Variants in CRAMP1 observed in about 807,000 individuals in gnomAD.
The protein encoded by CRAMP1 is cramped chromatin regulator 1.
Under a neutral mutation model 115.4 loss-of-function variants are expected in CRAMP1, and 50 were observed. The ratio of observed to expected loss-of-function variants is 0.43; its 90% CI spans 0.35 to 0.55. The LOEUF (loss-of-function observed/expected upper bound fraction) is 0.55. Among genes scored for constraint, CRAMP1 ranks in the 20% least tolerant of loss-of-function variants. The pLI is 0.01. For synonymous variants in CRAMP1, 866 were observed against 745.4 expected (o/e 1.16, Z -2.64); for missense variants, 1,679 against 1,721.7 (o/e 0.98, Z 0.44).
rs775958782 is a variant in CRAMP1, at chr16:1,632,400, A to G, written c.694+35A>G. ...CCACGGGCCAGGCTCGGGGGTGCCC[A>G]CAGGCAGGGCCGGCTTCTGCTCAGA... On this transcript the variant is annotated intron_variant, in intron 4 of 20. Transcript: ENST00000397412. 3.9e-6 allele frequency: 6 copies of G among 1,555,768 alleles called. No individual in the cohort carries two copies. The African/African-American group carries it at 6.8e-5, about 18-fold the overall frequency.
chr16:1,665,974 C>T, intron 14 of CRAMP1, 99 bp from the exon 15 acceptor site: 1 of 772,776 alleles, frequency 1.3e-6, no homozygotes, highest in Non-Finnish European at 2.2e-6. Context: ...CTCCCACACT[C>T]CCAACAGTGG....
intron 18 of CRAMP1, 126 bp downstream of exon 18, chr16:1,668,319 C>G: frequency 1.3e-6 from 1 of 744,926 alleles, no homozygotes; most frequent in Non-Finnish European, 2.3e-6. Flanking sequence ...CTGTCACCTA[C>G]AAGGTGCTGC....
At chr16:1,647,004 T>C in intron 6 of CRAMP1, 1 of 702,678 alleles carries the variant, frequency 1.4e-6, no homozygotes, top group East Asian at 2.7e-5. Flanking sequence ...TTTGTGACCG[T>C]TCTTTGACCA....
rs761540541 is a variant in CRAMP1 at position 1,666,648 on chromosome 16, G to A, written c.3036+48G>A. 6.4e-7 allele frequency: 1 copy of A among 1,553,838 alleles called. No homozygotes were observed. The highest frequency in any genetic ancestry group is 1.1e-5 in the South Asian group (1 of 89,366). ...TTCAGCATTACCACCAACTTCTGGT[G>A]TGGACGCCAAAGCCATGGGGCTGAG... On this transcript the variant is annotated intron_variant, in intron 16 of 20. Transcript: ENST00000397412. This position sits in a 1 kb window ranked among gnomAD's most constrained non-coding sequence, Gnocchi z 5.0.
chr16:1,621,562 C>G (rs1186989829), intron 2 of CRAMP1, among the ~76,000 whole-genome samples: 1 of 152,284 alleles, frequency 6.6e-6, no homozygotes, highest in South Asian at 2.1e-4. Context: ...TGGGTCCCAG[C>G]AGCCTGGGGT....
chr16:1,624,507 G>A (rs966757680), intron 2 of CRAMP1, among the ~76,000 whole-genome samples: 4 of 149,910 alleles, frequency 2.7e-5, no homozygotes, highest in African/African-American at 9.9e-5. Flanking sequence ...TCCACTACCT[G>A]GGTTCAAGCA....
chr16:1,660,329 G>A (rs748830206), intron 11 of CRAMP1, among the ~76,000 whole-genome samples: 1 of 152,204 alleles, frequency 6.6e-6, no homozygotes, highest in Non-Finnish European at 1.5e-5. Flanking sequence ...GGTGACTTTG[G>A]GGTCTGCTTC....
chr16:1,623,966 G>A (rs145632682), intron 2 of CRAMP1, among the ~76,000 whole-genome samples: 3 of 152,262 alleles, frequency 2.0e-5, no homozygotes, highest in African/African-American at 4.8e-5. Flanking sequence ...GCCGGAAAGC[G>A]GCCTGGGTGG....
chr16:1,639,316 C>T (rs1396109302), intron 5 of CRAMP1, among the ~76,000 whole-genome samples: 1 of 151,790 alleles, frequency 6.6e-6, no homozygotes, highest in East Asian at 1.9e-4. Flanking sequence ...TTATTGAAAA[C>T]CAAAGTACAC....
intron 6 of CRAMP1, chr16:1,646,920 G>C: frequency 1.6e-6 from 1 of 628,668 alleles, no homozygotes; most frequent in Non-Finnish European, 2.9e-6. Context: ...TCCATTGAGT[G>C]GCCTTTGCAT....
rs1263477792 is a variant in CRAMP1 at position 1,666,255 on chromosome 16, TTTC to T, written c.2857+83_2857+85del. 2.2e-5 allele frequency: 27 copies of T among 1,237,430 alleles called. No individual in the cohort carries two copies. The highest frequency in any genetic ancestry group is 2.9e-5 in the Non-Finnish European group (25 of 862,170). 76.7% of individuals were successfully genotyped at this position (1,237,430 alleles called of 1,614,324 possible). On this transcript the variant is annotated intron_variant, in intron 15 of 20. Coordinates refer to ENST00000397412, the MANE Select transcript of CRAMP1 (RefSeq NM_020825.4). The surrounding 1 kb of genome is among the most constrained non-coding windows in gnomAD (Gnocchi z 5.0). Reference sequence around the variant, plus strand: ...TTTTGTGACCAGGTTTTTTGAATGTTTTCTTCTCCAAATCATAATGTCTCATTA... The same window carrying T: ...TTTTGTGACCAGGTTTTTTGAATGTTTTCTCCAAATCATAATGTCTCATTA...
rs376283177 is a variant in CRAMP1 at position 1,676,776 on chromosome 16, G to A, written c.*2731G>A. ...CTGTTGTGGATGTGCAGTGATAAGCGGGCATTGCGTGCCTCGGGGGATGCC... is the reference window on the plus strand; with the variant it reads ...CTGTTGTGGATGTGCAGTGATAAGCAGGCATTGCGTGCCTCGGGGGATGCC... On this transcript the variant is annotated 3_prime_UTR_variant, in exon 21 of 21. Transcript: ENST00000397412. 3 of 152,384 alleles carry A rather than the reference G, an allele frequency of 2.0e-5. No homozygotes were observed. The highest frequency in any genetic ancestry group is 2.1e-4 in the South Asian group (1 of 4,828). The allele number at this position is 152,384 out of a possible 1,614,324, so 9.4% of individuals were successfully genotyped here. A position where few individuals can be genotyped will look rare whatever the true frequency, so the allele number is the denominator to read the frequency against.
At position 1,670,704 on chromosome 16, in the gene CRAMP1, G is replaced by A. The variant is rs775420672; in HGVS notation, c.3540G>A (p.Pro1180=). 31 of 1,613,936 alleles carry A rather than the reference G, an allele frequency of 1.9e-5. No homozygotes were observed. The East Asian group carries it at 2.7e-4, about 14-fold the overall frequency. ...CAGAGAAGAGCCGGAAGATGTTGCC[G>A]ACTCCCATTGGGACCAACAGTGGCA... The part of the protein sequence containing the change: ...ISPEKSRKML[P]TPIGTNSGTS... Residue 1180 remains proline (P), a synonymous_variant, in exon 20 of 21, where the codon CCG becomes CCA. Coordinates refer to ENST00000397412, the MANE Select transcript of CRAMP1 (RefSeq NM_020825.4).
rs1444682025 is a variant in CRAMP1 at position 1,676,759 on chromosome 16, G to T, written c.*2714G>T. 6.6e-6 allele frequency: 1 copy of T among 152,276 alleles called. No individual in the cohort carries two copies. The highest frequency in any genetic ancestry group is 1.9e-4 in the East Asian group (1 of 5,204). The allele number at this position is 152,276 out of a possible 1,614,324, so 9.4% of individuals were successfully genotyped here. ...GTCCTCTGGCCTCAATTCTGTTGTG[G>T]ATGTGCAGTGATAAGCGGGCATTGC... On this transcript the variant is annotated 3_prime_UTR_variant, in exon 21 of 21. Transcript: ENST00000397412.
At chr16:1,667,601 C>T (rs2036886939) in intron 17 of CRAMP1, among the ~76,000 whole-genome samples, 1 of 152,174 alleles carries the variant, frequency 6.6e-6, no homozygotes, top group Non-Finnish European at 1.5e-5. Flanking sequence ...CTTCCCTCCT[C>T]CCCTCTCCAA....
Position 1,674,548 on chromosome 16 carries a change from G to T in CRAMP1, c.*503G>T, listed in dbSNP as rs1011457202. The T allele has an allele frequency of 3.8e-5, 6 of 157,452 alleles. No individual in the cohort carries two copies. The highest frequency in any genetic ancestry group is 2.5e-4 in the Admixed American group (4 of 16,230). 9.8% of individuals were successfully genotyped at this position (157,452 alleles called of 1,614,324 possible). On this transcript the variant is annotated 3_prime_UTR_variant, in exon 21 of 21. Coordinates refer to ENST00000397412, the MANE Select transcript of CRAMP1 (RefSeq NM_020825.4). Reference sequence around the variant, plus strand: ...GTAACGGGCAGGACAGTTGGGTGTGGCCTGGGCTCATGCCTGGTGGTGTCA... The same window carrying T: ...GTAACGGGCAGGACAGTTGGGTGTGTCCTGGGCTCATGCCTGGTGGTGTCA...
rs1011578060 is a variant in CRAMP1, at chr16:1,670,507, G to A, written c.3500-157G>A. The stretch of plus-strand genomic sequence containing the variant: ...TTAAACGAGAAGAGCTCGTCACGGC[G>A]TGTTGAGTCCCTCGGAAGCTCTTCG... On this transcript the variant is annotated intron_variant, in intron 19 of 20. Transcript: ENST00000397412. 22 of 722,728 alleles carry A rather than the reference G, an allele frequency of 3.0e-5. 1 individual carries two copies. The highest frequency in any genetic ancestry group is 1.4e-4 in the South Asian group (8 of 58,298). The allele number at this position is 722,728 out of a possible 1,614,324, so 44.8% of individuals were successfully genotyped here.
At position 1,673,986 on chromosome 16, in the gene CRAMP1, C is replaced by T. The variant is rs1567464943; in HGVS notation, c.3751C>T (p.Arg1251Ter). Residue 1251 changes from arginine (R) to a stop codon, truncating the protein, a stop_gained, in exon 21 of 21, where the codon CGA (arginine) becomes TGA (stop). Transcript: ENST00000397412. LOFTEE classifies it high-confidence loss of function. ...QELSIAEPGR[R>*]EALFDGGGGG... ...GCTGTCCATCGCTGAGCCTGGCCGCCGAGAAGCTCTGTTTGATGGTGGTGG... is the reference window on the plus strand; with the variant it reads ...GCTGTCCATCGCTGAGCCTGGCCGCTGAGAAGCTCTGTTTGATGGTGGTGG... 3.7e-6 allele frequency: 6 copies of T among 1,612,914 alleles called. No individual in the cohort carries two copies. Among genetic ancestry groups the T allele is most frequent in the Middle Eastern group, 1.9e-4 (1 of 5,154 alleles).
intron 18 of CRAMP1, among the ~76,000 whole-genome samples, chr16:1,668,571 T>C (rs183562155): frequency 6.6e-6 from 1 of 152,296 alleles, no homozygotes; most frequent in Non-Finnish European, 1.5e-5. Flanking sequence ...TCACCTGCTG[T>C]CTGGGACAAA....
Sources: gnomAD v4.1 joint callset for allele counts (sites outside exome capture counted in the v4.1 genomes callset) on GRCh38, gnomAD v4.1.1 for gene constraint, Gnocchi (gnomAD v3.1) non-coding constraint, MANE v1.5 for transcripts, NCBI Gene and HGNC (gene_info 2026-07-23, HGNC 2026-07-21) for gene names.